The following GPAM variants were observed in gnomAD, a reference collection of about 807,000 sequenced individuals.
The protein encoded by GPAM is glycerol-3-phosphate acyltransferase, mitochondrial, also known as glycerol-3-phosphate acyltransferase 1, mitochondrial.
In GPAM, 56 loss-of-function variants were observed where a neutral mutation model predicts 105.0. The observed-to-expected ratio is 0.53, with a 90% CI of 0.43 to 0.67. The LOEUF is 0.67. Among genes scored for constraint, GPAM ranks in the 30% least tolerant of loss-of-function variants. The pLI, the probability that GPAM is intolerant of heterozygous loss-of-function variation, is 0.00. For missense variants in GPAM, 855 were observed against 989.8 expected, an observed-to-expected ratio of 0.86 and a Z score of 1.83; for synonymous variants, 368 against 354.4, an observed-to-expected ratio of 1.04 and a Z score of -0.43.
chr10:112,172,182 C>G lies in GPAM; in HGVS notation c.794G>C (p.Ser265Thr). Residue 265 changes from serine to threonine, a missense_variant and splice_region_variant, in exon 9 of 22, where the codon AGT becomes ACT. Transcript: ENST00000348367. ...SGNNLNIPIF[S>T]TLIHKLGGFF... Reference sequence around the variant, plus strand: ...AAATTCCAAAATAAGCTCATCTTACCTGAAGATTGGGATGTTGAGATTATT... The same window carrying G: ...AAATTCCAAAATAAGCTCATCTTACGTGAAGATTGGGATGTTGAGATTATT... 1 of 1,604,660 alleles carries G rather than the reference C, an allele frequency of 6.2e-7. No individual in the cohort carries two copies. Among genetic ancestry groups the G allele is most frequent in the Non-Finnish European group, 8.5e-7 (1 of 1,171,722 alleles).
At chr10:112,204,401 G>C (rs1311892009) in intron 1 of GPAM, among the ~76,000 whole-genome samples, 1 of 151,758 alleles carries the variant, frequency 6.6e-6, no homozygotes, top group Admixed American at 6.6e-5. Context: ...GGCTTGAGTG[G>C]GAAGAGGGTT....
intron 4 of GPAM, among the ~76,000 whole-genome samples, chr10:112,179,251 C>T (rs117627054): frequency 1.3e-5 from 2 of 152,176 alleles, no homozygotes; most frequent in East Asian, 3.8e-4. Flanking sequence ...GTACTATCTA[C>T]CTTTACCCTT....
intron 12 of GPAM, 81 bp downstream of exon 12, chr10:112,166,321 A>C: frequency 1.3e-6 from 1 of 794,294 alleles, no homozygotes; most frequent in Non-Finnish European, 2.3e-6. Context: ...TCACACAGAG[A>C]GGTGCTGTTA....
At chr10:112,159,847 G>C (rs1325590988) in intron 17 of GPAM, 64 bp downstream of exon 17, 41 of 1,493,012 alleles carry the variant, frequency 2.7e-5, no homozygotes, top group Non-Finnish European at 3.6e-5. Context: ...AAACACGGGG[G>C]GTTACGTTTT....
chr10:112,197,164 GAA>G (rs1176307933), intron 1 of GPAM, among the ~76,000 whole-genome samples: 1 of 152,128 alleles, frequency 6.6e-6, no homozygotes, highest in Non-Finnish European at 1.5e-5. Flanking sequence ...TCTAGGTAAA[GAA>G]TGAATTATAT....
upstream of GPAM, among the ~76,000 whole-genome samples, chr10:112,186,243 T>G (rs1030092586): frequency 1.3e-5 from 2 of 152,002 alleles, no homozygotes; most frequent in African/African-American, 4.8e-5. Flanking sequence ...TCTGAAGTAC[T>G]GAATGAAGAA....
rs1212612787 is a variant in GPAM, at chr10:112,150,853, G to A, written c.*2697C>T. The A allele has an allele frequency of 2.0e-6, 2 of 984,576 alleles. No homozygotes were observed. The highest frequency in any genetic ancestry group is 2.3e-4 in the East Asian group (2 of 8,802). 61.0% of individuals were successfully genotyped at this position (984,576 alleles called of 1,614,324 possible). ...AATGCTTTTCCCCATCCAGGTTACT[G>A]GCAATTCCACAATTTGGGCTTACAT... On this transcript the variant is annotated 3_prime_UTR_variant, in exon 22 of 22. Transcript: ENST00000348367.
chr10:112,225,432 G>A, the GPAM span, among the ~76,000 whole-genome samples: 8 of 152,090 alleles, frequency 5.3e-5, no homozygotes, highest in East Asian at 1.5e-3. Flanking sequence ...ACCGTGTCTG[G>A]GTGTGACCAC....
chr10:112,180,322 A>G, intron 4 of GPAM, 151 bp downstream of exon 4: 1 of 718,448 alleles, frequency 1.4e-6, no homozygotes, highest in Non-Finnish European at 2.4e-6. Context: ...TGGAAAGAAA[A>G]AGTGTGTCAA....
upstream of GPAM, among the ~76,000 whole-genome samples, chr10:112,219,714 G>T (rs1349118486): frequency 1.3e-5 from 2 of 152,114 alleles, no homozygotes; most frequent in African/African-American, 4.8e-5. Flanking sequence ...CAGCATACAT[G>T]AAACCCCCTT....
Position 112,161,749 on chromosome 10 carries a change from A to G in GPAM, c.1424-12T>C. 6.2e-7 allele frequency: 1 copy of G among 1,613,030 alleles called. No individual in the cohort carries two copies. Among genetic ancestry groups the G allele is most frequent in the Non-Finnish European group, 8.5e-7 (1 of 1,178,970 alleles). Reference sequence around the variant, plus strand: ...GGACTTGCTAGCAGCTGGAAGGCAAACACAAAGCTTTTTTTAGTTGCACTT... The same window carrying G: ...GGACTTGCTAGCAGCTGGAAGGCAAGCACAAAGCTTTTTTTAGTTGCACTT... On this transcript the variant is annotated splice_polypyrimidine_tract_variant and intron_variant, in intron 14 of 21. Transcript: ENST00000348367.
At chr10:112,203,604 T>G (rs1423250913) in intron 1 of GPAM, among the ~76,000 whole-genome samples, 1 of 152,240 alleles carries the variant, frequency 6.6e-6, no homozygotes, top group South Asian at 2.1e-4. Context: ...CTGTTTAACA[T>G]GTTATATTCA....
At chr10:112,179,173 TG>T (rs147229222) in intron 4 of GPAM, among the ~76,000 whole-genome samples, 2,545 of 152,306 alleles carry the variant, frequency 0.017, 72 homozygotes, top group African/African-American at 0.059. Context: ...GATCATGTCA[TG>T]GAAGTAATTC....
intron 7 of GPAM, 85 bp from the exon 8 acceptor site, chr10:112,173,151 A>G (rs1454659784): frequency 2.5e-6 from 2 of 814,952 alleles, no homozygotes; most frequent in Non-Finnish European, 4.3e-6. Flanking sequence ...ACTTCTGTCT[A>G]CTTAAATTTA....
chr10:112,152,176 T>A lies in GPAM; in HGVS notation c.*1374A>T, dbSNP rs1380191542. The A allele has an allele frequency of 1.0e-6, 1 of 975,760 alleles. No homozygotes were observed. Among genetic ancestry groups the A allele is most frequent in the Non-Finnish European group, 1.2e-6 (1 of 821,282 alleles). 60.4% of individuals were successfully genotyped at this position (975,760 alleles called of 1,614,324 possible). A position where few individuals can be genotyped will look rare whatever the true frequency, so the allele number is the denominator to read the frequency against. On this transcript the variant is annotated 3_prime_UTR_variant, in exon 22 of 22. Transcript: ENST00000348367. The stretch of plus-strand genomic sequence containing the variant: ...ATTCAAAGAATCTATGTAACACTCA[T>A]CTGGAAAAATTCTTAATTCCATAAT...
chr10:112,164,608 T>C lies in GPAM; in HGVS notation c.1224A>G (p.Glu408=), dbSNP rs117905984. 1,261 of 1,571,514 alleles carry C rather than the reference T, an allele frequency of 8.0e-4. 14 individuals are homozygous for C. The East Asian group carries it at 0.027, about 34-fold the overall frequency. ...GTTTCTGACTTTGGCTTTCTAAATA[T>C]TCCTGGAGAAAAAAACACAACATGA... ...VDFAQPFSLK[E]YLESQSQKPV... Residue 408 remains glutamate (E), a splice_region_variant and synonymous_variant, in exon 13 of 22, where the codon GAA becomes GAG. Transcript: ENST00000348367.
At chr10:112,153,730 C>T in intron 21 of GPAM, 64 bp from the exon 22 acceptor site, 1 of 1,568,622 alleles carries the variant, frequency 6.4e-7, no homozygotes. Flanking sequence ...TTTCCATTAC[C>T]AACCTGACCT....
intron 17 of GPAM, among the ~76,000 whole-genome samples, chr10:112,158,808 T>C (rs1008678374): frequency 1.2e-4 from 19 of 152,148 alleles, no homozygotes; most frequent in African/African-American, 4.3e-4. Context: ...AAAGGCAACA[T>C]TGGAATAAGT....
chr10:112,203,264 A>C (rs1012043431), intron 1 of GPAM, among the ~76,000 whole-genome samples: 1 of 152,242 alleles, frequency 6.6e-6, no homozygotes, highest in African/African-American at 2.4e-5. Flanking sequence ...CTTATCCTGA[A>C]GAAAGAGTCC....
Sources: gnomAD v4.1 joint callset for allele counts (sites outside exome capture counted in the v4.1 genomes callset) on GRCh38, gnomAD v4.1.1 for gene constraint, MANE v1.5 for transcripts, NCBI Gene and HGNC (gene_info 2026-07-23, HGNC 2026-07-21) for gene names.